The following DACH2 variants were observed in gnomAD, a reference collection of about 807,000 sequenced individuals.
The protein encoded by DACH2 is dachshund homolog 2.
A neutral mutation model predicts 35.8 loss-of-function variants in DACH2; 17 were observed. The ratio of observed to expected loss-of-function variants is 0.48; its 90% CI spans 0.33 to 0.71. The LOEUF is 0.71. Among genes scored for constraint, DACH2 ranks in the 30% least tolerant of loss-of-function variants. The pLI, the probability that DACH2 is intolerant of heterozygous loss-of-function variation, is 0.02. For missense variants in DACH2, 469 were observed against 472.7 expected, an observed-to-expected ratio of 0.99 and a Z score of 0.07; for synonymous variants, 195 against 177.3, an observed-to-expected ratio of 1.10 and a Z score of -0.79.
At chrX:86,246,348 C>G (rs781740066) in intron 1 of DACH2, among the ~76,000 whole-genome samples, 11 of 109,017 alleles carry the variant, frequency 1.0e-4, no homozygotes, top group Non-Finnish European at 2.1e-4. Flanking sequence ...GAGGATCATC[C>G]CCAAGACATA....
At chrX:86,815,291 C>T (rs1045809480) in intron 10 of DACH2, among the ~76,000 whole-genome samples, 1 of 111,348 alleles carries the variant, frequency 9.0e-6, no homozygotes, top group South Asian at 3.8e-4. Flanking sequence ...AAGTAAATCC[C>T]TGCAGATCCT....
intron 7 of DACH2, among the ~76,000 whole-genome samples, chrX:86,768,309 T>C (rs911257304): frequency 1.8e-5 from 2 of 111,787 alleles, no homozygotes; most frequent in Admixed American, 1.9e-4. Context: ...CAAAAGAATT[T>C]ACTGTTTTGG....
intron 2 of DACH2, among the ~76,000 whole-genome samples, chrX:86,484,473 G>A (rs2037989832): frequency 8.9e-6 from 1 of 111,985 alleles, no homozygotes; most frequent in South Asian, 3.7e-4. Context: ...ATATGCAAAT[G>A]TGAATGCATA....
chrX:86,462,330 T>A (rs780385409), intron 2 of DACH2, among the ~76,000 whole-genome samples: 1 of 111,533 alleles, frequency 9.0e-6, no homozygotes, highest in African/African-American at 3.2e-5. Context: ...TCCTTGGGAA[T>A]TACGTTGTAC....
At chrX:86,283,827 C>A (rs2034084572) in intron 1 of DACH2, among the ~76,000 whole-genome samples, 1 of 107,949 alleles carries the variant, frequency 9.3e-6, no homozygotes, top group African/African-American at 3.4e-5. Context: ...ACCTATGTAA[C>A]AAACCTGCAT....
At position 86,397,972 on chromosome X, in the gene DACH2, C is replaced by G. The variant is rs759133066; in HGVS notation, c.527+21110C>G. ...ATAGTTTCAGAAGGAATGGTACCAG[C>G]TCCTCCTTTTACCTCTGGTAGAATT... On this transcript the variant is annotated intron_variant, in intron 2 of 11. Coordinates refer to ENST00000373125, the MANE Select transcript of DACH2 (RefSeq NM_053281.3). 2.7e-5 allele frequency among the ~76,000 whole-genome samples: 3 copies of G among 111,773 alleles called. No individual in the cohort carries two copies. The Admixed American group carries it at 2.8e-4, about 11-fold the overall frequency.
chrX:86,764,865 C>T (rs1043489816), intron 7 of DACH2, among the ~76,000 whole-genome samples: 2 of 112,190 alleles, frequency 1.8e-5, no homozygotes, highest in African/African-American at 6.5e-5. Context: ...TAAGCTTTTC[C>T]TTTTATCTAC....
chrX:86,417,023 G>C (rs2036715473), intron 2 of DACH2, among the ~76,000 whole-genome samples: 1 of 103,082 alleles, frequency 9.7e-6, no homozygotes, highest in Non-Finnish European at 2.0e-5. Flanking sequence ...GAACCTGGGA[G>C]GTGGAGGTTG....
intron 2 of DACH2, among the ~76,000 whole-genome samples, chrX:86,397,016 C>A (rs1479525069): frequency 9.0e-6 from 1 of 111,121 alleles, no homozygotes; most frequent in Non-Finnish European, 1.9e-5. Flanking sequence ...TTCTTCCTAC[C>A]CGTGAGCATG....
At chrX:86,151,549 G>GACAACC (rs1310144913) in intron 1 of DACH2, among the ~76,000 whole-genome samples, 1 of 111,007 alleles carries the variant, frequency 9.0e-6, no homozygotes, top group Non-Finnish European at 1.9e-5. Flanking sequence ...TTAGATAGAA[G>GACAACC]ACAACCACAA....
chrX:86,647,791 A>C (rs1453165079), intron 3 of DACH2, among the ~76,000 whole-genome samples: 1 of 111,076 alleles, frequency 9.0e-6, no homozygotes, highest in African/African-American at 3.3e-5. Flanking sequence ...CATATGTCCA[A>C]ACTCATCAAG....
At chrX:86,281,528 A>T (rs1223983848) in intron 1 of DACH2, among the ~76,000 whole-genome samples, 4 of 111,659 alleles carry the variant, frequency 3.6e-5, no homozygotes, top group Admixed American at 1.9e-4. Flanking sequence ...TTTATGACAA[A>T]CCCACAGCCA....
At chrX:86,435,042 G>A (rs893337286) in intron 2 of DACH2, among the ~76,000 whole-genome samples, 15 of 111,377 alleles carry the variant, frequency 1.3e-4, no homozygotes, top group Non-Finnish European at 2.4e-4. Context: ...CAAGCCATGA[G>A]GGATCTACTC....
At chrX:86,180,201 TA>T (rs2031440591) in intron 1 of DACH2, among the ~76,000 whole-genome samples, 1 of 89,170 alleles carries the variant, frequency 1.1e-5, no homozygotes, top group East Asian at 3.2e-4. Flanking sequence ...TATATATATA[TA>T]TATATGGTTC....
rs182133851 is a variant in DACH2, at chrX:86,242,685, T to A, written c.488+93577T>A. Among the ~76,000 whole-genome samples the A allele has an allele frequency of 3.6e-5, 4 of 111,205 alleles. No homozygotes were observed. In the East Asian group the frequency reaches 1.1e-3, roughly 32 times the overall value. On this transcript the variant is annotated intron_variant, in intron 1 of 11. Transcript: ENST00000373125. ...CTGAGTGATATGATCTGGCTCTGTG[T>A]CCCCTCCCAAATCTCATGTCAAATT... is the stretch of plus-strand genomic sequence containing the variant.
Position 86,253,795 on chromosome X carries a change from C to T in DACH2, c.488+104687C>T, listed in dbSNP as rs770892052. ...GTAAGAGAAGAATAAGGAAAGGCAA[C>T]ATCTATAAGACCCTATAAGTTACCC... On this transcript the variant is annotated intron_variant, in intron 1 of 11. Transcript: ENST00000373125. 2.7e-5 allele frequency among the ~76,000 whole-genome samples: 3 copies of T among 112,085 alleles called. No individual in the cohort carries two copies. In the East Asian group the frequency reaches 8.5e-4, roughly 32 times the overall value.
intron 1 of DACH2, among the ~76,000 whole-genome samples, chrX:86,358,419 A>G (rs1223178359): frequency 1.1e-5 from 1 of 93,341 alleles, no homozygotes; most frequent in Non-Finnish European, 2.1e-5. Context: ...AAATTATGCC[A>G]TCCCAGCCCC....
At chrX:86,527,457 T>A (rs940987336) in intron 3 of DACH2, among the ~76,000 whole-genome samples, 8 of 112,555 alleles carry the variant, frequency 7.1e-5, no homozygotes. Flanking sequence ...GAATGCACTA[T>A]TTTTTGTCTG....
At chrX:86,468,257 T>A (rs1175321148) in intron 2 of DACH2, among the ~76,000 whole-genome samples, 2 of 111,359 alleles carry the variant, frequency 1.8e-5, no homozygotes, top group Non-Finnish European at 3.8e-5. Flanking sequence ...ATATATACAA[T>A]CATTGATTTA....
Sources: allele counts gnomAD v4.1 joint callset (sites outside exome capture counted in the v4.1 genomes callset), GRCh38; gene constraint gnomAD v4.1.1; transcripts MANE v1.5; gene names NCBI Gene and HGNC (gene_info 2026-07-23, HGNC 2026-07-21).